The following GLIS3 variants were observed in gnomAD, a reference collection of about 807,000 sequenced individuals.
GLIS3 encodes zinc finger protein GLIS3.
GLIS3 carries 53 observed loss-of-function variants against 78.6 expected under a neutral mutation model. The ratio of observed to expected loss-of-function variants is 0.67; its 90% CI spans 0.54 to 0.85. The LOEUF (loss-of-function observed/expected upper bound fraction) is 0.85. GLIS3 is among the 40% of genes least tolerant of loss of function. GLIS3 has a pLI of 0.00. For missense variants in GLIS3, 1,703 were observed against 1,231.1 expected, an observed-to-expected ratio of 1.38 and a Z score of -5.74; for synonymous variants, 684 against 509.9, an observed-to-expected ratio of 1.34 and a Z score of -4.60.
chr9:4,310,996 T>C (rs1172966028), intron 2 of GLIS3, among the ~76,000 whole-genome samples: 2 of 152,216 alleles, frequency 1.3e-5, no homozygotes, highest in Non-Finnish European at 2.9e-5. Context: ...AGACAAGGTG[T>C]ACAGGATTTG....
At chr9:4,000,200 A>G (rs926216106) in intron 4 of GLIS3, among the ~76,000 whole-genome samples, 3 of 152,226 alleles carry the variant, frequency 2.0e-5, no homozygotes, top group Non-Finnish European at 4.4e-5. Flanking sequence ...AACTCTTGAA[A>G]ACAATGCTGA....
At chr9:4,151,241 T>G (rs888767940) in intron 2 of GLIS3, among the ~76,000 whole-genome samples, 1 of 152,078 alleles carries the variant, frequency 6.6e-6, no homozygotes, top group Non-Finnish European at 1.5e-5. Flanking sequence ...AAGCCTGCAT[T>G]CTCCCAGATC....
At chr9:4,418,270 A>C in the GLIS3 span, among the ~76,000 whole-genome samples, 1 of 15,518 alleles carries the variant, frequency 6.4e-5, no homozygotes. Context: ...ATGTATTGCA[A>C]AAAAAGAGAC....
At chr9:4,228,331 C>A (rs898235319) in intron 2 of GLIS3, among the ~76,000 whole-genome samples, 2 of 151,798 alleles carry the variant, frequency 1.3e-5, no homozygotes, top group East Asian at 1.9e-4. Flanking sequence ...GGGGAGGAGT[C>A]GGGGCTGAGC....
chr9:4,319,985 G>T (rs1362502945), intron 2 of GLIS3, among the ~76,000 whole-genome samples: 2 of 19,176 alleles, frequency 1.0e-4, no homozygotes, highest in South Asian at 5.8e-3. Context: ...AGAGGGGGTT[G>T]TGTGTGTGTG....
At position 4,157,581 on chromosome 9, in the gene GLIS3, ATATGT is replaced by A. The variant is rs535396388; in HGVS notation, c.389-31645_389-31641del. ...GGCTTAAATCAAGTATGTGGAAATAATATGTTATTATTACTAGGCCTAACTCTGCT... is the reference window on the plus strand; with the variant it reads ...GGCTTAAATCAAGTATGTGGAAATAATATTATTACTAGGCCTAACTCTGCT... On this transcript the variant is annotated intron_variant, in intron 2 of 10. Transcript: ENST00000381971. Among the ~76,000 whole-genome samples, 6 of 152,316 alleles carry A rather than the reference ATATGT, an allele frequency of 3.9e-5. No individual in the cohort carries two copies. The South Asian group carries it at 1.2e-3, about 32-fold the overall frequency.
the GLIS3 span, among the ~76,000 whole-genome samples, chr9:4,390,447 C>T: frequency 2.0e-5 from 3 of 151,990 alleles, no homozygotes; most frequent in Non-Finnish European, 4.4e-5. Flanking sequence ...CTCATTGTAC[C>T]CGCAAACTTC....
the GLIS3 span, among the ~76,000 whole-genome samples, chr9:4,435,464 C>T: frequency 6.6e-6 from 1 of 152,212 alleles, no homozygotes; most frequent in Non-Finnish European, 1.5e-5. Context: ...GACCAATTCC[C>T]TTTCCCTTCT....
chr9:4,288,513 T>A (rs1828187869), intron 1 of GLIS3, among the ~76,000 whole-genome samples: 1 of 151,718 alleles, frequency 6.6e-6, no homozygotes, highest in African/African-American at 2.4e-5. Flanking sequence ...GGCAGCAAGA[T>A]CATATACGAG....
At chr9:4,388,016 G>T in the GLIS3 span, among the ~76,000 whole-genome samples, 3 of 152,270 alleles carry the variant, frequency 2.0e-5, no homozygotes, top group South Asian at 4.1e-4. Context: ...CATGATGTGG[G>T]TTAAAAGGAG....
chr9:4,115,752 G>A (rs957159449), intron 4 of GLIS3, among the ~76,000 whole-genome samples: 3 of 152,118 alleles, frequency 2.0e-5, no homozygotes, highest in Admixed American at 6.5e-5. Flanking sequence ...AACTAGAATT[G>A]CAGCATTAAT....
At chr9:4,451,742 T>C in the GLIS3 span, among the ~76,000 whole-genome samples, 4 of 152,132 alleles carry the variant, frequency 2.6e-5, no homozygotes, top group African/African-American at 9.7e-5. Context: ...TTCGCCTGAA[T>C]GACTACTGGG....
intron 4 of GLIS3, among the ~76,000 whole-genome samples, chr9:4,095,017 T>C (rs551492289): frequency 3.7e-4 from 57 of 152,318 alleles, no homozygotes; most frequent in Admixed American, 1.2e-3. Context: ...ACATTCATCA[T>C]TTCTTTGTGT....
intron 2 of GLIS3, among the ~76,000 whole-genome samples, chr9:4,209,929 G>C (rs188365469): frequency 2.8e-4 from 42 of 152,122 alleles, no homozygotes; most frequent in Admixed American, 5.9e-4. Context: ...CAAACACAAA[G>C]GAGACAAGAC....
intron 1 of GLIS3, among the ~76,000 whole-genome samples, chr9:4,294,788 A>G (rs1429744122): frequency 6.6e-6 from 1 of 152,180 alleles, no homozygotes; most frequent in African/African-American, 2.4e-5. Flanking sequence ...TATATTTTTC[A>G]CAGTACATTT....
chr9:3,887,034 G>T (rs1189430212), intron 7 of GLIS3, among the ~76,000 whole-genome samples: 1 of 152,146 alleles, frequency 6.6e-6, no homozygotes, highest in Non-Finnish European at 1.5e-5. Flanking sequence ...TTAAGGGTTG[G>T]CACAGTCATC....
intron 3 of GLIS3, among the ~76,000 whole-genome samples, chr9:4,309,827 C>A (rs1353818324): frequency 6.6e-6 from 1 of 151,862 alleles, no homozygotes; most frequent in African/African-American, 2.4e-5. Flanking sequence ...GGGATAACTC[C>A]GAAAGAGACA....
chr9:4,345,034 A>G (rs1430585277), intron 2 of GLIS3, among the ~76,000 whole-genome samples: 1 of 152,138 alleles, frequency 6.6e-6, no homozygotes, highest in African/African-American at 2.4e-5. Context: ...TCTTCAGTCT[A>G]TTGTTAGTAC....
At chr9:4,057,816 G>A (rs779595718) in intron 4 of GLIS3, among the ~76,000 whole-genome samples, 13 of 152,102 alleles carry the variant, frequency 8.5e-5, no homozygotes, top group African/African-American at 1.4e-4. Context: ...AAAAAGGATC[G>A]TCACTGAGAA....
Sources: gnomAD v4.1 joint callset for allele counts (sites outside exome capture counted in the v4.1 genomes callset) on GRCh38, gnomAD v4.1.1 for gene constraint, MANE v1.5 for transcripts, NCBI Gene and HGNC (gene_info 2026-07-23, HGNC 2026-07-21) for gene names.